Variants in HYDIN observed in about 807,000 individuals in gnomAD.
HYDIN encodes HYDIN axonemal central pair apparatus protein, also known as axonemal central pair apparatus protein HYDIN.
Under a neutral mutation model 403.9 loss-of-function variants are expected in HYDIN, and 132 were observed. The ratio of observed to expected loss-of-function variants is 0.33; its 90% confidence interval spans 0.28 to 0.38. The LOEUF (loss-of-function observed/expected upper bound fraction) is 0.38, where lower values mean the gene tolerates loss of function less well. Ranked by LOEUF, HYDIN falls within the 10% of genes least tolerant of loss-of-function variation. The pLI, the probability that HYDIN is intolerant of heterozygous loss-of-function variation, is 1.00. For missense variants in HYDIN, 2,827 were observed against 5,009.5 expected, an observed-to-expected ratio of 0.56 and a Z score of 13.15; for synonymous variants, 1,202 against 1,891.7, an observed-to-expected ratio of 0.64 and a Z score of 9.46.
chr16:71,164,744 A>G (rs1317086304), intron 5 of HYDIN, among the ~76,000 whole-genome samples: 3 of 107,926 alleles, frequency 2.8e-5, no homozygotes, highest in South Asian at 3.9e-4. Context: ...ACTGCCTGCT[A>G]CTGTGCATAA....
rs559419386 is a variant in HYDIN, at chr16:70,803,570, T to C, written c.*4010A>G. ...ACTTGTAATAGTTCTGTAACAACTA[T>C]TCATAATAGCTATTACAAGTATGTA... is the stretch of plus-strand genomic sequence containing the variant. On this transcript the variant is annotated 3_prime_UTR_variant, in exon 86 of 86. Transcript: ENST00000393567. 8.5e-5 allele frequency among the ~76,000 whole-genome samples: 13 copies of C among 152,256 alleles called. No homozygotes were observed. The highest frequency in any genetic ancestry group is 1.8e-4 in the Non-Finnish European group (12 of 68,040).
At chr16:71,084,395 G>T in intron 12 of HYDIN, among the ~76,000 whole-genome samples, 1 of 113,324 alleles carries the variant, frequency 8.8e-6, no homozygotes, top group East Asian at 3.6e-4. Context: ...CTTTTTGTTT[G>T]TTTGTTTTTG....
intron 18 of HYDIN, among the ~76,000 whole-genome samples, chr16:71,040,004 A>T: frequency 6.6e-6 from 1 of 151,668 alleles, no homozygotes; most frequent in Admixed American, 6.6e-5. Flanking sequence ...GATTGCAGGC[A>T]CCGCCCCCGC....
intron 18 of HYDIN, among the ~76,000 whole-genome samples, chr16:71,049,304 T>G (rs926677826): frequency 7.9e-5 from 12 of 152,308 alleles, no homozygotes; most frequent in Admixed American, 7.2e-4. Flanking sequence ...GTTGTGATGT[T>G]CCTGAAGCTA....
intron 1 of HYDIN, among the ~76,000 whole-genome samples, chr16:71,215,556 A>G (rs1598050511): frequency 7.2e-6 from 1 of 138,436 alleles, no homozygotes; most frequent in African/African-American, 3.0e-5. Flanking sequence ...TCCTGTAATC[A>G]ATCTTAATGC....
intron 1 of HYDIN, among the ~76,000 whole-genome samples, chr16:71,214,564 ATTAT>A (rs916290633): frequency 6.6e-6 from 1 of 152,154 alleles, no homozygotes; most frequent in African/African-American, 2.4e-5. Context: ...GCTGCACTGC[ATTAT>A]TTCACTTTTT....
At chr16:71,201,157 T>C (rs763446448) in intron 1 of HYDIN, among the ~76,000 whole-genome samples, 2 of 152,196 alleles carry the variant, frequency 1.3e-5, no homozygotes, top group Non-Finnish European at 2.9e-5. Context: ...ACATAAGATA[T>C]AAATATGTAA....
At chr16:71,171,395 G>A (rs2086456837) in intron 5 of HYDIN, among the ~76,000 whole-genome samples, 1 of 152,112 alleles carries the variant, frequency 6.6e-6, no homozygotes, top group South Asian at 2.1e-4. Context: ...ACATTAAATT[G>A]TATATATTTG....
At chr16:70,863,563 T>A (rs1225917242) in intron 67 of HYDIN, among the ~76,000 whole-genome samples, 2 of 152,126 alleles carry the variant, frequency 1.3e-5, no homozygotes, top group Non-Finnish European at 2.9e-5. Context: ...CCTCCCTTTC[T>A]GAATCACCTC....
intron 23 of HYDIN, among the ~76,000 whole-genome samples, chr16:71,010,529 T>C (rs1234664259): frequency 6.6e-6 from 1 of 151,476 alleles, no homozygotes; most frequent in Non-Finnish European, 1.5e-5. Context: ...ATTTCTTCAA[T>C]AACAAAGCGG....
rs146902335 is a variant in HYDIN at position 71,195,722 on chromosome 16, T to C, written c.-23-8804A>G. On this transcript the variant is annotated intron_variant, in intron 1 of 85. Coordinates refer to ENST00000393567, the MANE Select transcript of HYDIN (RefSeq NM_001270974.2). ...TGAAAAGCTTCTTAAAAACAATCTGTCTCTGCAGGATATGTGCCTTCTTAT... is the reference window on the plus strand; with the variant it reads ...TGAAAAGCTTCTTAAAAACAATCTGCCTCTGCAGGATATGTGCCTTCTTAT... Among the ~76,000 whole-genome samples the C allele has an allele frequency of 2.0e-3, 298 of 152,282 alleles. 5 individuals are homozygous for C. Among genetic ancestry groups the C allele is most frequent in the African/African-American group, 6.8e-3 (282 of 41,546 alleles).
intron 14 of HYDIN, among the ~76,000 whole-genome samples, chr16:71,067,593 T>C (rs2082318897): frequency 6.6e-6 from 1 of 150,568 alleles, no homozygotes; most frequent in Non-Finnish European, 1.5e-5. Context: ...AGAAACCAAA[T>C]GGCTGTTAGT....
chr16:70,986,689 C>T (rs59286962), intron 27 of HYDIN, among the ~76,000 whole-genome samples: 56,223 of 146,074 alleles, frequency 0.38, 11,198 homozygotes, highest in East Asian at 0.57. Context: ...TATTCCAAAA[C>T]AAAAATGGGA....
intron 50 of HYDIN, among the ~76,000 whole-genome samples, chr16:70,905,942 A>G (rs1305571023): frequency 2.0e-5 from 3 of 151,934 alleles, no homozygotes; most frequent in South Asian, 2.1e-4. Flanking sequence ...TTCATCTTCA[A>G]TTTTTAATCC....
At position 70,943,802 on chromosome 16, in the gene HYDIN, A is replaced by G; in HGVS notation, c.6669+10T>C. On this transcript the variant is annotated intron_variant, in intron 42 of 85. Transcript: ENST00000393567. ...AGCCCTGCAGCTCTGTGCAGGTGGC[A>G]TGGACCCACCTGTATCCGCTCTGCC... 1.2e-6 allele frequency: 2 copies of G among 1,610,786 alleles called. No individual in the cohort carries two copies. Among genetic ancestry groups the G allele is most frequent in the Non-Finnish European group, 1.7e-6 (2 of 1,179,838 alleles).
At chr16:71,162,091 T>C (rs2086023369) in intron 6 of HYDIN, among the ~76,000 whole-genome samples, 2 of 141,006 alleles carry the variant, frequency 1.4e-5, no homozygotes, top group Admixed American at 1.4e-4. Flanking sequence ...GCTCTCACTT[T>C]GATTTTAGCC....
chr16:70,998,059 C>G (rs1224601678), intron 23 of HYDIN, among the ~76,000 whole-genome samples: 4 of 152,178 alleles, frequency 2.6e-5, no homozygotes, highest in African/African-American at 9.7e-5. Flanking sequence ...CAAACGGCAA[C>G]TTGAAAACTA....
chr16:71,146,542 T>C (rs1432278609), intron 7 of HYDIN, among the ~76,000 whole-genome samples: 4 of 67,320 alleles, frequency 5.9e-5, no homozygotes, highest in African/African-American at 8.8e-5. Flanking sequence ...GAGGTTCAAA[T>C]ATATCTATAA....
intron 15 of HYDIN, chr16:71,066,594 G>A (rs2082275999): frequency 1.3e-5 from 3 of 237,886 alleles, no homozygotes; most frequent in African/African-American, 6.8e-5. Flanking sequence ...TTTGGGAAGA[G>A]TGTGGCCCCA....
Sources: gnomAD v4.1 joint callset for allele counts (sites outside exome capture counted in the v4.1 genomes callset) on GRCh38, gnomAD v4.1.1 for gene constraint, MANE v1.5 for transcripts, NCBI Gene and HGNC (gene_info 2026-07-23, HGNC 2026-07-21) for gene names.